CDH9: variants seen among roughly 807,000 people sequenced by gnomAD.
CDH9 encodes the protein cadherin 9.
Under a neutral mutation model 70.9 loss-of-function variants are expected in CDH9, and 28 were observed. The ratio of observed to expected loss-of-function variants is 0.40; its 90% CI spans 0.29 to 0.54. The LOEUF is 0.54. CDH9 is among the 20% of genes least tolerant of loss of function. The pLI is 0.59. For missense variants in CDH9, 874 were observed against 984.4 expected, an observed-to-expected ratio of 0.89 and a Z score of 1.50; for synonymous variants, 409 against 343.1, an observed-to-expected ratio of 1.19 and a Z score of -2.12.
chr5:26,920,368 T>G (rs567411188), intron 2 of CDH9, among the ~76,000 whole-genome samples: 100 of 151,866 alleles, frequency 6.6e-4, no homozygotes, highest in Non-Finnish European at 1.2e-3. Context: ...CCCACACAGA[T>G]TTATAAGGTT....
intron 1 of CDH9, among the ~76,000 whole-genome samples, chr5:26,994,042 T>G (rs1035921): frequency 6.6e-6 from 1 of 152,026 alleles, no homozygotes. Context: ...TCCTTCTTTC[T>G]TATTCCTCCC....
At chr5:26,935,503 A>C (rs10071205) in intron 2 of CDH9, among the ~76,000 whole-genome samples, 14,708 of 152,252 alleles carry the variant, frequency 0.097, 895 homozygotes, top group East Asian at 0.19. Context: ...GTATCCAAAA[A>C]AACAAACTTC....
intron 2 of CDH9, among the ~76,000 whole-genome samples, chr5:26,943,389 T>G (rs374745769): frequency 6.6e-6 from 1 of 152,100 alleles, no homozygotes; most frequent in East Asian, 1.9e-4. Context: ...GGCTTGTGCC[T>G]GTAATTCCAG....
At chr5:27,001,777 A>G (rs151186770) in intron 1 of CDH9, among the ~76,000 whole-genome samples, 3 of 152,110 alleles carry the variant, frequency 2.0e-5, no homozygotes, top group Middle Eastern at 3.4e-3. Flanking sequence ...AAGGAAATAC[A>G]TGATGAACTT....
chr5:26,952,406 A>T (rs1211308823), intron 2 of CDH9, among the ~76,000 whole-genome samples: 5 of 136,038 alleles, frequency 3.7e-5, no homozygotes, highest in African/African-American at 1.1e-4. Context: ...TGAGGTCAGG[A>T]GATCGAGACC....
chr5:27,035,506 T>C (rs1286637878), intron 1 of CDH9, among the ~76,000 whole-genome samples: 3 of 151,810 alleles, frequency 2.0e-5, no homozygotes, highest in African/African-American at 4.8e-5. Context: ...AAGACTCATT[T>C]GAAATCAATG....
chr5:26,883,465 GA>G (rs1173198804), intron 11 of CDH9, among the ~76,000 whole-genome samples: 1 of 151,634 alleles, frequency 6.6e-6, no homozygotes, highest in Non-Finnish European at 1.5e-5. Flanking sequence ...GATAAGAAAT[GA>G]AAAAAAGTAC....
intron 2 of CDH9, among the ~76,000 whole-genome samples, chr5:26,926,075 T>C (rs1471275655): frequency 6.6e-6 from 1 of 152,126 alleles, no homozygotes; most frequent in South Asian, 2.1e-4. Context: ...CAACGTAGTG[T>C]TGGAAGTTCT....
In CDH9 at chr5:27,017,290, T is replaced by A. The variant is rs114593236; in HGVS notation, c.-50+21173A>T. On this transcript the variant is annotated intron_variant, in intron 1 of 11. Transcript: ENST00000231021. The stretch of plus-strand genomic sequence containing the variant: ...TTTTTGGTATTGTCCTTTATTTTCC[T>A]AACATCAAAAATATTATTGTTTTTC... Among the ~76,000 whole-genome samples, 1,397 of 152,086 alleles carry A rather than the reference T, an allele frequency of 9.2e-3. 30 individuals carry two copies. The highest frequency in any genetic ancestry group is 0.032 in the African/African-American group (1,320 of 41,560).
In CDH9 at chr5:26,979,472, G is replaced by A. The variant is rs186051067; in HGVS notation, c.228+8634C>T. Among the ~76,000 whole-genome samples, 256 of 151,512 alleles carry A rather than the reference G, an allele frequency of 1.7e-3. 1 individual carries two copies. In the Middle Eastern group the frequency reaches 0.024, roughly 14 times the overall value. ...AAAAAATTAAAAAAACAGAAACAAA[G>A]TTATAAAGAACAACTGGGGGGAACA... On this transcript the variant is annotated intron_variant, in intron 2 of 11. Transcript: ENST00000231021.
At chr5:26,993,520 A>C (rs1332970665) in intron 1 of CDH9, among the ~76,000 whole-genome samples, 1 of 152,028 alleles carries the variant, frequency 6.6e-6, no homozygotes, top group African/African-American at 2.4e-5. Context: ...AATACTAAAG[A>C]TGTGGCTAAA....
At chr5:26,977,332 C>T (rs893077395) in intron 2 of CDH9, among the ~76,000 whole-genome samples, 1 of 151,660 alleles carries the variant, frequency 6.6e-6, no homozygotes. Flanking sequence ...GCTTACATGA[C>T]CAGACAGAAA....
At chr5:26,942,919 G>A (rs528308181) in intron 2 of CDH9, among the ~76,000 whole-genome samples, 1 of 152,116 alleles carries the variant, frequency 6.6e-6, no homozygotes, top group African/African-American at 2.4e-5. Context: ...TAATGCAAAG[G>A]ATGTGTCCCT....
At chr5:26,906,593 A>T in intron 4 of CDH9, 126 bp downstream of exon 4, 4 of 1,350,732 alleles carry the variant, frequency 3.0e-6, no homozygotes, top group Non-Finnish European at 3.9e-6. Flanking sequence ...TCCAATAATG[A>T]CAGGAAACAA....
At chr5:27,003,681 T>C (rs1013762260) in intron 1 of CDH9, among the ~76,000 whole-genome samples, 1 of 152,012 alleles carries the variant, frequency 6.6e-6, no homozygotes, top group Admixed American at 6.6e-5. Context: ...TGGGTACTTC[T>C]TAACACTGCC....
chr5:26,909,450 G>C (rs1741009521), intron 3 of CDH9, among the ~76,000 whole-genome samples: 1 of 150,888 alleles, frequency 6.6e-6, no homozygotes, highest in South Asian at 2.1e-4. Flanking sequence ...AATATAGTAA[G>C]TAAAATATAG....
chr5:26,947,715 T>C (rs1338339138), intron 2 of CDH9, among the ~76,000 whole-genome samples: 1 of 152,138 alleles, frequency 6.6e-6, no homozygotes. Flanking sequence ...TTAGAGAGCA[T>C]GGCATGAGGG....
At chr5:26,907,766 G>A (rs1438440391) in intron 3 of CDH9, among the ~76,000 whole-genome samples, 1 of 151,978 alleles carries the variant, frequency 6.6e-6, no homozygotes, top group Non-Finnish European at 1.5e-5. Flanking sequence ...CTTGGACAAA[G>A]CTAGATTGTA....
At chr5:26,910,256 T>TATCTATCTATCTATCTATCTATC (rs36175795) in intron 3 of CDH9, among the ~76,000 whole-genome samples, 3 of 150,018 alleles carry the variant, frequency 2.0e-5, no homozygotes, top group African/African-American at 4.9e-5. Flanking sequence ...TCTATCTATC[T>TATCTATCTATCTATCTATCTATC]ATCTATCTGG....
Sources: gnomAD v4.1 joint callset for allele counts (sites outside exome capture counted in the v4.1 genomes callset) on GRCh38, gnomAD v4.1.1 for gene constraint, MANE v1.5 for transcripts, NCBI Gene and HGNC (gene_info 2026-07-23, HGNC 2026-07-21) for gene names.